Variants in GADL1 observed in about 807,000 individuals in gnomAD.
The protein encoded by GADL1 is acidic amino acid decarboxylase GADL1.
Under a neutral mutation model 69.5 loss-of-function variants are expected in GADL1, and 71 were observed. The ratio of observed to expected loss-of-function variants is 1.02; its 90% CI spans 0.84 to 1.25. The LOEUF (loss-of-function observed/expected upper bound fraction) is 1.25, where lower values mean the gene tolerates loss of function less well. GADL1 is among the 50% of genes most tolerant of loss of function. GADL1 has a pLI of 0.00. For synonymous variants in GADL1, 254 were observed against 214.4 expected, an observed-to-expected ratio of 1.18 and a Z score of -1.62; for missense variants, 737 against 631.8, an observed-to-expected ratio of 1.17 and a Z score of -1.79.
Position 30,807,959 on chromosome 3 carries a change from G to A in GADL1, c.1051-6871C>T, listed in dbSNP as rs1289824161. ...AGGCAGAAGAATCGTTTGAACCCGG[G>A]AGGTGGAGATTGCAGTGAGCCGAGA... On this transcript the variant is annotated intron_variant, in intron 11 of 14. Coordinates refer to ENST00000282538, the MANE Select transcript of GADL1 (RefSeq NM_207359.3). 5.8e-5 allele frequency among the ~76,000 whole-genome samples: 8 copies of A among 137,770 alleles called. No individual in the cohort carries two copies. In the South Asian group the frequency reaches 2.0e-3, roughly 34 times the overall value. The allele number at this position is 137,770 out of a possible 152,430, so 90.4% of individuals were successfully genotyped here.
intron 13 of GADL1, among the ~76,000 whole-genome samples, chr3:30,785,956 C>A (rs1559499377): frequency 6.6e-6 from 1 of 152,120 alleles, no homozygotes; most frequent in Non-Finnish European, 1.5e-5. Context: ...AGCTAATATG[C>A]TCATTATTTT....
At chr3:30,745,462 C>T (rs1042296628) in intron 14 of GADL1, among the ~76,000 whole-genome samples, 1 of 152,106 alleles carries the variant, frequency 6.6e-6, no homozygotes, top group Non-Finnish European at 1.5e-5. Flanking sequence ...GTTCCACACC[C>T]AAATCATGAA....
At chr3:30,771,489 G>A (rs28404225) in intron 14 of GADL1, among the ~76,000 whole-genome samples, 33,716 of 152,052 alleles carry the variant, frequency 0.22, 6,783 homozygotes, top group African/African-American at 0.54. Context: ...TCCAAGTAAG[G>A]GGAGCCTCTT....
At chr3:30,795,159 T>G (rs1697007328) in intron 12 of GADL1, among the ~76,000 whole-genome samples, 1 of 152,210 alleles carries the variant, frequency 6.6e-6, no homozygotes, top group African/African-American at 2.4e-5. Flanking sequence ...CTTAGAATTA[T>G]TCCAGGTGGA....
rs1197446912 is a variant in GADL1 at position 30,872,197 on chromosome 3, G to GC, written c.38-10433dup. Among the ~76,000 whole-genome samples the GC allele has an allele frequency of 5.9e-5, 9 of 151,930 alleles. No individual in the cohort carries two copies. In the East Asian group the frequency reaches 1.6e-3, roughly 26 times the overall value. ...CATGAAAAAAATTTGACTTAACATA[G>GC]CCATTTAGTAAATTTTATCCCTGTC... On this transcript the variant is annotated intron_variant, in intron 1 of 14. Transcript: ENST00000282538.
At chr3:30,779,206 TTA>T (rs1379131102) in intron 13 of GADL1, 1 of 152,192 alleles carries the variant, frequency 6.6e-6, no homozygotes, top group African/African-American at 2.4e-5. Flanking sequence ...ATCTGGGACA[TTA>T]TGTTGGGGGT....
chr3:30,864,426 C>T (rs1011358207), intron 1 of GADL1, among the ~76,000 whole-genome samples: 3 of 151,672 alleles, frequency 2.0e-5, no homozygotes, highest in African/African-American at 4.8e-5. Context: ...AACACCCACT[C>T]GTAACCAGAA....
At chr3:30,791,130 C>T (rs1342275854) in intron 12 of GADL1, among the ~76,000 whole-genome samples, 2 of 152,000 alleles carry the variant, frequency 1.3e-5, no homozygotes, top group Non-Finnish European at 2.9e-5. Context: ...TTTATATCTC[C>T]TTTCAAAGTT....
At chr3:30,765,433 T>C (rs1262130017) in intron 14 of GADL1, among the ~76,000 whole-genome samples, 1 of 151,296 alleles carries the variant, frequency 6.6e-6, no homozygotes, top group East Asian at 1.9e-4. Flanking sequence ...CCAAATGAAG[T>C]TCATGCCTTA....
At chr3:30,796,896 T>C (rs1466772867) in intron 12 of GADL1, among the ~76,000 whole-genome samples, 1 of 152,178 alleles carries the variant, frequency 6.6e-6, no homozygotes. Context: ...ATTACTGACT[T>C]CTAAAAGTCT....
At chr3:30,809,053 G>A (rs1227799260) in intron 11 of GADL1, among the ~76,000 whole-genome samples, 1 of 152,162 alleles carries the variant, frequency 6.6e-6, no homozygotes, top group Non-Finnish European at 1.5e-5. Flanking sequence ...TTGGGAATTT[G>A]CCTTCAACTT....
chr3:30,753,880 C>T lies in GADL1; in HGVS notation c.1392+24299G>A, dbSNP rs181799225. On this transcript the variant is annotated intron_variant, in intron 14 of 14. Transcript: ENST00000282538. ...CTCACTCAACTTTTGTTTTAGTGGA[C>T]CCTGCAAATGAGGTAACTAGACCAT... Among the ~76,000 whole-genome samples the T allele has an allele frequency of 1.6e-4, 24 of 152,278 alleles. No homozygotes were observed. In the East Asian group the frequency reaches 4.1e-3, roughly 26 times the overall value.
chr3:30,822,428 G>A (rs1019158737), intron 11 of GADL1, among the ~76,000 whole-genome samples: 78 of 151,984 alleles, frequency 5.1e-4, no homozygotes, highest in African/African-American at 1.8e-3. Context: ...GGTAATGATG[G>A]CCGTGATTAA....
At chr3:30,805,112 GCT>G (rs1242170868) in intron 11 of GADL1, among the ~76,000 whole-genome samples, 7 of 152,150 alleles carry the variant, frequency 4.6e-5, no homozygotes, top group African/African-American at 1.4e-4. Context: ...CATTTATTGA[GCT>G]CTTACTATTT....
chr3:30,793,138 T>C (rs1160301585), intron 12 of GADL1, among the ~76,000 whole-genome samples: 1 of 152,196 alleles, frequency 6.6e-6, no homozygotes, highest in East Asian at 1.9e-4. Flanking sequence ...AACTATTTTT[T>C]GAGGGATGAT....
intron 8 of GADL1, among the ~76,000 whole-genome samples, chr3:30,839,514 C>CAAAAAAAAA (rs764490080): frequency 9.5e-6 from 1 of 105,678 alleles, no homozygotes; most frequent in Non-Finnish European, 1.7e-5. Context: ...GTCATCTTCT[C>CAAAAAAAAA]AAAAAAAAAA....
At chr3:30,782,638 A>AT (rs1696690806) in intron 13 of GADL1, among the ~76,000 whole-genome samples, 1 of 152,182 alleles carries the variant, frequency 6.6e-6, no homozygotes, top group South Asian at 2.1e-4. Flanking sequence ...CAAAGAGGCT[A>AT]TTGATAACAA....
chr3:30,802,089 G>A (rs1407905328), intron 11 of GADL1, among the ~76,000 whole-genome samples: 3 of 152,128 alleles, frequency 2.0e-5, no homozygotes, highest in Non-Finnish European at 2.9e-5. Context: ...TCTTTCCCAG[G>A]TCTGCCCTGC....
At chr3:30,744,489 T>A (rs1178107040) in intron 14 of GADL1, among the ~76,000 whole-genome samples, 1 of 151,732 alleles carries the variant, frequency 6.6e-6, no homozygotes, top group Non-Finnish European at 1.5e-5. Flanking sequence ...TGGGAGAGGG[T>A]CATTTAAGAC....
Sources: gnomAD v4.1 joint callset for allele counts (sites outside exome capture counted in the v4.1 genomes callset) on GRCh38, gnomAD v4.1.1 for gene constraint, MANE v1.5 for transcripts, NCBI Gene and HGNC (gene_info 2026-07-23, HGNC 2026-07-21) for gene names.